Variants in CTNND2 observed in about 807,000 individuals in gnomAD.
The protein encoded by CTNND2 is catenin delta 2.
CTNND2 carries 22 observed loss-of-function variants against 144.4 expected under a neutral mutation model. That is an observed-to-expected ratio of 0.15 (90% CI 0.11 to 0.22). CTNND2 has a LOEUF of 0.22. Ranked by LOEUF, CTNND2 falls within the 10% of genes least tolerant of loss-of-function variation. The pLI, the probability that CTNND2 is intolerant of heterozygous loss-of-function variation, is 1.00. For synonymous variants in CTNND2, 751 were observed against 695.6 expected (o/e 1.08, Z -1.25); for missense variants, 1,353 against 1,618.8 (o/e 0.84, Z 2.82).
At chr5:11,415,361 T>C (rs917085647) in intron 3 of CTNND2, among the ~76,000 whole-genome samples, 3 of 152,134 alleles carry the variant, frequency 2.0e-5, no homozygotes, top group African/African-American at 7.2e-5. Context: ...CCCAGTGATT[T>C]GGGAGGCTGA....
intron 1 of CTNND2, among the ~76,000 whole-genome samples, chr5:11,806,551 C>T (rs1792010988): frequency 1.3e-5 from 2 of 152,022 alleles, no homozygotes; most frequent in South Asian, 4.1e-4. Flanking sequence ...TCATTCATTT[C>T]CAGGGTTCAT....
At chr5:11,210,618 C>T (rs1738529378) in intron 10 of CTNND2, among the ~76,000 whole-genome samples, 1 of 152,140 alleles carries the variant, frequency 6.6e-6, no homozygotes, top group Non-Finnish European at 1.5e-5. Context: ...GCTAAAGTCA[C>T]AGATTGTTCA....
At chr5:11,863,730 C>G (rs796557681) in intron 1 of CTNND2, among the ~76,000 whole-genome samples, 16 of 152,248 alleles carry the variant, frequency 1.1e-4, no homozygotes, top group African/African-American at 3.9e-4. Flanking sequence ...CTGTCCAAAC[C>G]AAATTTGAGA....
chr5:11,785,401 T>C (rs1411791094), intron 1 of CTNND2, among the ~76,000 whole-genome samples: 3 of 152,178 alleles, frequency 2.0e-5, no homozygotes, highest in Admixed American at 1.3e-4. Flanking sequence ...AAAATAACCA[T>C]ATAAAAACAC....
chr5:11,494,063 T>C (rs1432447698), intron 3 of CTNND2, among the ~76,000 whole-genome samples: 1 of 152,162 alleles, frequency 6.6e-6, no homozygotes, highest in Non-Finnish European at 1.5e-5. Flanking sequence ...AGGAAAATTA[T>C]TGAAATTTAA....
intron 3 of CTNND2, among the ~76,000 whole-genome samples, chr5:11,437,346 C>A (rs1763862448): frequency 6.6e-6 from 1 of 152,174 alleles, no homozygotes; most frequent in Non-Finnish European, 1.5e-5. Context: ...TCTTTATGTG[C>A]CTAATCTGTG....
At chr5:11,680,523 T>C (rs1187701583) in intron 2 of CTNND2, among the ~76,000 whole-genome samples, 4 of 152,134 alleles carry the variant, frequency 2.6e-5, no homozygotes, top group Admixed American at 6.5e-5. Context: ...ATGGGAAGAA[T>C]GCTGAGGTTA....
At chr5:11,274,532 A>C (rs1746331379) in intron 9 of CTNND2, among the ~76,000 whole-genome samples, 1 of 152,172 alleles carries the variant, frequency 6.6e-6, no homozygotes, top group Admixed American at 6.5e-5. Flanking sequence ...AGTAATTAGA[A>C]AATAAAACAA....
intron 16 of CTNND2, among the ~76,000 whole-genome samples, chr5:11,048,324 C>T (rs181670168): frequency 8.9e-4 from 136 of 152,284 alleles, no homozygotes; most frequent in African/African-American, 2.7e-3. Context: ...TAAGCTATTC[C>T]CTGAGTGAGG....
intron 8 of CTNND2, among the ~76,000 whole-genome samples, chr5:11,355,893 C>T (rs1301029567): frequency 6.6e-6 from 1 of 151,872 alleles, no homozygotes; most frequent in Non-Finnish European, 1.5e-5. Flanking sequence ...TATACACTAT[C>T]TGTACAGAAA....
At chr5:11,352,206 T>A (rs1755399057) in intron 8 of CTNND2, among the ~76,000 whole-genome samples, 1 of 152,178 alleles carries the variant, frequency 6.6e-6, no homozygotes, top group African/African-American at 2.4e-5. Context: ...GTTGACCTTG[T>A]TTTCCCTGCT....
chr5:11,324,453 T>C (rs1752334558), intron 9 of CTNND2, among the ~76,000 whole-genome samples: 1 of 152,208 alleles, frequency 6.6e-6, no homozygotes, highest in African/African-American at 2.4e-5. Context: ...CATCATATAC[T>C]CGTTTTTTGT....
intron 17 of CTNND2, among the ~76,000 whole-genome samples, chr5:11,019,940 A>G (rs1742059610): frequency 6.6e-6 from 1 of 152,256 alleles, no homozygotes; most frequent in African/African-American, 2.4e-5. Flanking sequence ...AATGATGTGA[A>G]AAGAATAAAT....
At position 11,118,120 on chromosome 5, in the gene CTNND2, A is replaced by G. The variant is rs186674438; in HGVS notation, c.2160-553T>C. 2.0e-5 allele frequency among the ~76,000 whole-genome samples: 3 copies of G among 152,356 alleles called. No individual in the cohort carries two copies. In the East Asian group the frequency reaches 5.8e-4, roughly 29 times the overall value. On this transcript the variant is annotated intron_variant, in intron 12 of 21. Coordinates refer to ENST00000304623, the MANE Select transcript of CTNND2 (RefSeq NM_001332.4). Reference sequence around the variant, plus strand: ...CCTCTTATGAGAAGGGGCTGCTCCAAGCTCTTTTCTGTACTAGCACATGCT... The same window carrying G: ...CCTCTTATGAGAAGGGGCTGCTCCAGGCTCTTTTCTGTACTAGCACATGCT...
intron 3 of CTNND2, among the ~76,000 whole-genome samples, chr5:11,484,174 A>G (rs1768575223): frequency 6.6e-6 from 1 of 152,172 alleles, no homozygotes; most frequent in Non-Finnish European, 1.5e-5. Context: ...GTTCTCCAGG[A>G]CCTGTCTGCC....
intron 12 of CTNND2, among the ~76,000 whole-genome samples, chr5:11,143,025 A>T (rs1011438424): frequency 1.3e-5 from 2 of 152,136 alleles, no homozygotes; most frequent in Non-Finnish European, 2.9e-5. Flanking sequence ...CAGGAGCCAG[A>T]CCTATTTCCT....
At chr5:11,433,364 C>T (rs1763473546) in intron 3 of CTNND2, among the ~76,000 whole-genome samples, 3 of 150,978 alleles carry the variant, frequency 2.0e-5, no homozygotes, top group South Asian at 4.2e-4. Flanking sequence ...ACCTGATGCA[C>T]ATCCACTTGA....
intron 6 of CTNND2, chr5:11,385,933 AT>A (rs1759044480): frequency 6.6e-6 from 1 of 152,200 alleles, no homozygotes; most frequent in Non-Finnish European, 1.5e-5. Context: ...CCTTTTCTAG[AT>A]TTTAATACTG....
intron 2 of CTNND2, among the ~76,000 whole-genome samples, chr5:11,629,814 C>T (rs1048950579): frequency 6.6e-6 from 1 of 152,056 alleles, no homozygotes; most frequent in Non-Finnish European, 1.5e-5. Context: ...GAATTACAGG[C>T]ATGAACCACC....
Sources: gnomAD v4.1 joint callset for allele counts (sites outside exome capture counted in the v4.1 genomes callset) on GRCh38, gnomAD v4.1.1 for gene constraint, MANE v1.5 for transcripts, NCBI Gene and HGNC (gene_info 2026-07-23, HGNC 2026-07-21) for gene names.